Variants in RXRG observed in about 807,000 individuals in gnomAD.
The protein encoded by RXRG is retinoid X receptor gamma.
In RXRG, 19 loss-of-function variants were observed where a neutral mutation model predicts 49.2. The ratio of observed to expected loss-of-function variants is 0.39; its 90% CI spans 0.27 to 0.57. RXRG has a LOEUF of 0.57. Among genes scored for constraint, RXRG ranks in the 20% least tolerant of loss-of-function variants. The pLI, the probability that RXRG is intolerant of heterozygous loss-of-function variation, is 0.64. For synonymous variants in RXRG, 224 were observed against 216.6 expected (o/e 1.03, Z -0.30); for missense variants, 452 against 592.5 (o/e 0.76, Z 2.46).
intron 7 of RXRG, among the ~76,000 whole-genome samples, chr1:165,408,834 C>T (rs1340119675): frequency 6.6e-6 from 1 of 152,164 alleles, no homozygotes; most frequent in Non-Finnish European, 1.5e-5. Flanking sequence ...TGGATGTGCA[C>T]ATGACCAAAG....
chr1:165,412,046 T>C (rs75667968), intron 4 of RXRG, among the ~76,000 whole-genome samples: 1,620 of 152,310 alleles, frequency 0.011, 22 homozygotes, highest in African/African-American at 0.037. Flanking sequence ...CCATGACAGC[T>C]ACTCCACTAG....
chr1:165,421,087 G>T (rs752150411), intron 2 of RXRG, among the ~76,000 whole-genome samples: 6 of 152,134 alleles, frequency 3.9e-5, no homozygotes, highest in South Asian at 4.1e-4. Context: ...CAGAAGAAAG[G>T]TTCAATAAAA....
intron 4 of RXRG, among the ~76,000 whole-genome samples, chr1:165,416,548 A>T (rs997692940): frequency 2.6e-5 from 4 of 152,156 alleles, no homozygotes; most frequent in Non-Finnish European, 5.9e-5. Context: ...GGTAAAAAAA[A>T]CTCAGTGAGT....
At chr1:165,414,928 T>C (rs1658079919) in intron 4 of RXRG, among the ~76,000 whole-genome samples, 2 of 152,212 alleles carry the variant, frequency 1.3e-5, no homozygotes, top group Admixed American at 1.3e-4. Flanking sequence ...GTTTAAACTA[T>C]TCATTCAACA....
chr1:165,416,911 G>A, intron 4 of RXRG, 130 bp downstream of exon 4: 6 of 872,086 alleles, frequency 6.9e-6, no homozygotes, highest in Non-Finnish European at 1.0e-5. Context: ...GAGCCCTGTG[G>A]GAAAGAAATT....
chr1:165,412,558 A>G lies in RXRG; in HGVS notation c.623-1449T>C, dbSNP rs143200458. On this transcript the variant is annotated intron_variant, in intron 4 of 9. Transcript: ENST00000359842. Reference sequence around the variant, plus strand: ...GTAAGCCCCAGATCCCTTATCTGTGAAGCAGAGATTAACTGAGATAGTTAA... The same window carrying G: ...GTAAGCCCCAGATCCCTTATCTGTGGAGCAGAGATTAACTGAGATAGTTAA... Among the ~76,000 whole-genome samples the G allele has an allele frequency of 2.0e-3, 301 of 152,366 alleles. 1 individual carries two copies. The highest frequency in any genetic ancestry group is 6.8e-3 in the African/African-American group (281 of 41,582).
chr1:165,424,644 A>G (rs1283211588), intron 2 of RXRG: 1 of 341,762 alleles, frequency 2.9e-6, no homozygotes, highest in African/African-American at 2.2e-5. Flanking sequence ...AACTGCAAAA[A>G]GAGAAGCTCA....
intron 1 of RXRG, 67 bp downstream of exon 1, chr1:165,444,778 G>A (rs1659108091): frequency 1.5e-6 from 2 of 1,340,470 alleles, no homozygotes; most frequent in East Asian, 2.3e-5. Flanking sequence ...CCAGTCATTC[G>A]TATTTCCCAA....
chr1:165,441,338 G>A (rs1557929152), intron 1 of RXRG, among the ~76,000 whole-genome samples: 3 of 152,200 alleles, frequency 2.0e-5, no homozygotes, highest in Admixed American at 1.3e-4. Context: ...TTGGAGCACC[G>A]GGAGCTCCCT....
At chr1:165,409,432 A>G (rs1197392605) in intron 7 of RXRG, 126 bp downstream of exon 7, 1 of 1,185,050 alleles carries the variant, frequency 8.4e-7, no homozygotes, top group Non-Finnish European at 1.1e-6. Flanking sequence ...CCCATCCTCC[A>G]TCCCAGCACT....
At chr1:165,402,645 T>C (rs116759231) in intron 9 of RXRG, among the ~76,000 whole-genome samples, 2,010 of 151,792 alleles carry the variant, frequency 0.013, 51 homozygotes, top group African/African-American at 0.046. Flanking sequence ...CTTGCATACA[T>C]GCACTTACAC....
intron 2 of RXRG, among the ~76,000 whole-genome samples, chr1:165,421,216 A>G (rs1244328646): frequency 2.0e-5 from 3 of 152,210 alleles, no homozygotes; most frequent in African/African-American, 7.2e-5. Flanking sequence ...AAACACTATG[A>G]GGGATACAAA....
At chr1:165,411,226 T>C in intron 4 of RXRG, 117 bp from the exon 5 acceptor site, 1 of 1,044,398 alleles carries the variant, frequency 9.6e-7, no homozygotes, top group Non-Finnish European at 1.4e-6. Context: ...ATTATGATCC[T>C]GAATTGGGGA....
intron 1 of RXRG, among the ~76,000 whole-genome samples, chr1:165,434,119 G>C (rs1658757149): frequency 6.6e-6 from 1 of 152,134 alleles, no homozygotes; most frequent in Non-Finnish European, 1.5e-5. Flanking sequence ...TAACTCAGAG[G>C]ACTGCTGAGA....
At chr1:165,409,057 C>T (rs1051527988) in intron 7 of RXRG, among the ~76,000 whole-genome samples, 7 of 152,124 alleles carry the variant, frequency 4.6e-5, no homozygotes, top group East Asian at 1.9e-4. Context: ...CCCTGCCTGA[C>T]GAAGATGGGT....
At chr1:165,435,781 T>A (rs368273570) in intron 1 of RXRG, among the ~76,000 whole-genome samples, 1 of 152,330 alleles carries the variant, frequency 6.6e-6, no homozygotes, top group South Asian at 2.1e-4. Flanking sequence ...TGGACCTCAA[T>A]TTATTTTAAT....
intron 9 of RXRG, 105 bp from the exon 10 acceptor site, chr1:165,401,515 T>TA (rs1267022265): frequency 3.9e-5 from 52 of 1,317,774 alleles, no homozygotes; most frequent in Non-Finnish European, 5.4e-5. Context: ...CCATCTGTGA[T>TA]AAAAGAGCTG....
chr1:165,409,915 T>C (rs1657888498), intron 6 of RXRG, among the ~76,000 whole-genome samples: 1 of 151,528 alleles, frequency 6.6e-6, no homozygotes, highest in African/African-American at 2.4e-5. Context: ...CTCTCTCAGA[T>C]GCAACCCAGA....
chr1:165,404,838 A>C (rs1247363968), intron 9 of RXRG, among the ~76,000 whole-genome samples: 1 of 152,080 alleles, frequency 6.6e-6, no homozygotes, highest in Non-Finnish European at 1.5e-5. Context: ...AGCTCACCAC[A>C]ACCTCCACCT....
Sources: allele counts gnomAD v4.1 joint callset (sites outside exome capture counted in the v4.1 genomes callset), GRCh38; gene constraint gnomAD v4.1.1; transcripts MANE v1.5; gene names NCBI Gene and HGNC (gene_info 2026-07-23, HGNC 2026-07-21).